The following PDGFC variants were observed in gnomAD, a reference collection of about 807,000 sequenced individuals.
PDGFC encodes platelet-derived growth factor C.
PDGFC carries 12 observed loss-of-function variants against 35.5 expected under a neutral mutation model. That is an observed-to-expected ratio of 0.34 (90% CI 0.22 to 0.55). The LOEUF (loss-of-function observed/expected upper bound fraction) is 0.55. Among genes scored for constraint, PDGFC ranks in the 20% least tolerant of loss-of-function variants. The probability of loss-of-function intolerance (pLI) is 0.91; values close to 1 mark genes in which losing one functional copy is unlikely to be tolerated. For missense variants in PDGFC, 322 were observed against 412.4 expected, an observed-to-expected ratio of 0.78 and a Z score of 1.90; for synonymous variants, 159 against 148.8, an observed-to-expected ratio of 1.07 and a Z score of -0.50.
intron 1 of PDGFC, among the ~76,000 whole-genome samples, chr4:156,881,364 AT>A (rs963305640): frequency 1.3e-5 from 2 of 152,116 alleles, no homozygotes; most frequent in African/African-American, 4.8e-5. Context: ...TACAAATGTA[AT>A]TTTTATCTGC....
chr4:156,964,510 CTAA>C (rs1732420147), intron 1 of PDGFC, among the ~76,000 whole-genome samples: 1 of 150,360 alleles, frequency 6.7e-6, no homozygotes, highest in South Asian at 2.1e-4. Context: ...TTCCATTTGA[CTAA>C]TGTGATTATT....
chr4:156,875,678 G>A (rs935765202), intron 1 of PDGFC, among the ~76,000 whole-genome samples: 1 of 152,250 alleles, frequency 6.6e-6, no homozygotes, highest in African/African-American at 2.4e-5. Flanking sequence ...AGCACTTTGG[G>A]AGGCTGAGGT....
intron 2 of PDGFC, among the ~76,000 whole-genome samples, chr4:156,844,092 T>C (rs1729268282): frequency 6.6e-6 from 1 of 152,198 alleles, no homozygotes; most frequent in African/African-American, 2.4e-5. Flanking sequence ...CTAGTTTAGC[T>C]TTTCTTCCTC....
At chr4:156,911,845 T>A (rs1030096004) in intron 1 of PDGFC, among the ~76,000 whole-genome samples, 2 of 152,134 alleles carry the variant, frequency 1.3e-5, no homozygotes, top group Non-Finnish European at 2.9e-5. Context: ...TGCACATGCG[T>A]TGGTAAGCAA....
chr4:156,857,548 G>A (rs1729612044), intron 1 of PDGFC, among the ~76,000 whole-genome samples: 1 of 152,010 alleles, frequency 6.6e-6, no homozygotes, highest in South Asian at 2.1e-4. Context: ...TTGTCCATGA[G>A]CTTTGGTAAG....
chr4:156,967,843 A>C (rs1401665399), intron 1 of PDGFC: 2 of 152,222 alleles, frequency 1.3e-5, no homozygotes, highest in Non-Finnish European at 2.9e-5. Context: ...GTTATCTTTT[A>C]ATCTCTTTCC....
At chr4:156,956,266 G>T (rs1484736043) in intron 1 of PDGFC, among the ~76,000 whole-genome samples, 1 of 152,026 alleles carries the variant, frequency 6.6e-6, no homozygotes, top group Non-Finnish European at 1.5e-5. Flanking sequence ...GAAGACTGGG[G>T]TGACAGCACA....
intron 1 of PDGFC, among the ~76,000 whole-genome samples, chr4:156,951,285 G>A (rs1221807426): frequency 6.6e-6 from 1 of 151,826 alleles, no homozygotes; most frequent in African/African-American, 2.4e-5. Context: ...AGATTTCATT[G>A]TGAGGCTTCA....
chr4:156,817,411 T>A (rs1342601894), intron 2 of PDGFC, among the ~76,000 whole-genome samples: 1 of 152,192 alleles, frequency 6.6e-6, no homozygotes, highest in Admixed American at 6.5e-5. Flanking sequence ...TTTAAAAGTA[T>A]AAGTATATTT....
At chr4:156,949,157 G>A (rs1732018987) in intron 1 of PDGFC, among the ~76,000 whole-genome samples, 1 of 151,608 alleles carries the variant, frequency 6.6e-6, no homozygotes, top group Admixed American at 6.6e-5. Context: ...ACTCACCAAC[G>A]GTCTCCTACT....
chr4:156,791,973 G>T (rs1272824987), intron 3 of PDGFC, among the ~76,000 whole-genome samples: 3 of 152,112 alleles, frequency 2.0e-5, no homozygotes, highest in Admixed American at 1.3e-4. Flanking sequence ...TGGAAACTTT[G>T]ATATATCTAA....
At chr4:156,935,062 C>T (rs1056361312) in intron 1 of PDGFC, among the ~76,000 whole-genome samples, 14 of 152,286 alleles carry the variant, frequency 9.2e-5, no homozygotes, top group Admixed American at 9.2e-4. Context: ...GTGGCATGAT[C>T]TCGGCTCACT....
chr4:156,909,340 G>A (rs1730988079), intron 1 of PDGFC, among the ~76,000 whole-genome samples: 1 of 152,118 alleles, frequency 6.6e-6, no homozygotes, highest in African/African-American at 2.4e-5. Context: ...CATTCCACAA[G>A]TTCATCTACC....
At chr4:156,839,035 G>A (rs1441973509) in intron 2 of PDGFC, among the ~76,000 whole-genome samples, 1 of 152,210 alleles carries the variant, frequency 6.6e-6, no homozygotes, top group African/African-American at 2.4e-5. Flanking sequence ...GAGGATGTGG[G>A]GGTTGAAAGG....
chr4:156,885,095 G>A (rs925628903), intron 1 of PDGFC, among the ~76,000 whole-genome samples: 9 of 151,860 alleles, frequency 5.9e-5, no homozygotes, highest in Admixed American at 1.3e-4. Context: ...AATGAATGTC[G>A]TAACCTAGGC....
At chr4:156,881,940 A>G (rs989083380) in intron 1 of PDGFC, among the ~76,000 whole-genome samples, 16 of 151,822 alleles carry the variant, frequency 1.1e-4, no homozygotes, top group African/African-American at 3.9e-4. Flanking sequence ...CATGATAGTG[A>G]GGCCTCCCCA....
intron 1 of PDGFC, among the ~76,000 whole-genome samples, chr4:156,920,119 C>T (rs1731238569): frequency 6.6e-6 from 1 of 152,162 alleles, no homozygotes; most frequent in Non-Finnish European, 1.5e-5. Context: ...AAGGCCTCAC[C>T]AGAAGCTGAG....
chr4:156,877,521 T>C (rs928529798), intron 1 of PDGFC, among the ~76,000 whole-genome samples: 2 of 152,144 alleles, frequency 1.3e-5, no homozygotes, highest in African/African-American at 4.8e-5. Flanking sequence ...ACCGACTCCA[T>C]TCCAAATCAA....
intron 1 of PDGFC, among the ~76,000 whole-genome samples, chr4:156,968,925 T>C (rs1417236761): frequency 6.6e-6 from 1 of 152,104 alleles, no homozygotes; most frequent in African/African-American, 2.4e-5. Context: ...CTCCTGGAGG[T>C]GTGAATCTAC....
Sources: gnomAD v4.1 joint callset for allele counts (sites outside exome capture counted in the v4.1 genomes callset) on GRCh38, gnomAD v4.1.1 for gene constraint, MANE v1.5 for transcripts, NCBI Gene and HGNC (gene_info 2026-07-23, HGNC 2026-07-21) for gene names.